Variants in ASAP1 observed in about 807,000 individuals in gnomAD.
ASAP1 encodes the protein ArfGAP with SH3 domain, ankyrin repeat and PH domain 1, also known as arf-GAP with SH3 domain, ANK repeat and PH domain-containing protein 1.
Under a neutral mutation model 145.2 loss-of-function variants are expected in ASAP1, and 43 were observed. The observed-to-expected ratio is 0.30, with a 90% confidence interval of 0.23 to 0.38. The LOEUF is 0.38. Among genes scored for constraint, ASAP1 ranks in the 10% least tolerant of loss-of-function variants. ASAP1 has a pLI of 1.00. For synonymous variants in ASAP1, 546 were observed against 515.5 expected, an observed-to-expected ratio of 1.06 and a Z score of -0.80; for missense variants, 1,018 against 1,355.3, an observed-to-expected ratio of 0.75 and a Z score of 3.91.
Position 130,169,524 on chromosome 8 carries a change from C to A in ASAP1, c.747-457G>T, listed in dbSNP as rs566300582. On this transcript the variant is annotated intron_variant, in intron 9 of 29. Transcript: ENST00000518721. ...CTACAGATAAAGGCAGGAGAAAAGTCAAAATTCATTCAGTTCCTCAAAGAT... is the reference window on the plus strand; with the variant it reads ...CTACAGATAAAGGCAGGAGAAAAGTAAAAATTCATTCAGTTCCTCAAAGAT... Among the ~76,000 whole-genome samples, 4 of 152,270 alleles carry A rather than the reference C, an allele frequency of 2.6e-5. No individual in the cohort carries two copies. In the South Asian group the frequency reaches 6.2e-4, roughly 24 times the overall value.
At chr8:130,126,238 T>G in intron 16 of ASAP1, 149 bp from the exon 17 acceptor site, 1 of 756,526 alleles carries the variant, frequency 1.3e-6, no homozygotes, top group South Asian at 2.3e-5. Flanking sequence ...AGGTTTAGCC[T>G]AGGGGCTACC....
At chr8:130,082,004 C>T (rs1315857058) in intron 25 of ASAP1, among the ~76,000 whole-genome samples, 6 of 152,136 alleles carry the variant, frequency 3.9e-5, no homozygotes, top group African/African-American at 1.2e-4. Flanking sequence ...TGGTAAGGGT[C>T]AAAGCTGGGA....
rs148112029 is a variant in ASAP1, at chr8:130,251,568, T to C, written c.187-14574A>G. On this transcript the variant is annotated intron_variant, in intron 3 of 29. Coordinates refer to ENST00000518721, the MANE Select transcript of ASAP1 (RefSeq NM_018482.4). ...ATACTATCAGCAAAAAGATAAATAATTGTAATCAATTTTTATAGAACAAAC... is the reference window on the plus strand; with the variant it reads ...ATACTATCAGCAAAAAGATAAATAACTGTAATCAATTTTTATAGAACAAAC... 6.7e-3 allele frequency among the ~76,000 whole-genome samples: 1,018 copies of C among 152,176 alleles called. 13 individuals are homozygous for C. The highest frequency in any genetic ancestry group is 0.022 in the African/African-American group (927 of 41,522).
chr8:130,178,806 C>T (rs1814144965), intron 9 of ASAP1, among the ~76,000 whole-genome samples: 1 of 151,956 alleles, frequency 6.6e-6, no homozygotes, highest in Admixed American at 6.6e-5. Context: ...GAAGAATTGC[C>T]TGAACCCAGG....
intron 3 of ASAP1, among the ~76,000 whole-genome samples, chr8:130,314,910 A>G (rs1449255356): frequency 6.6e-6 from 1 of 152,144 alleles, no homozygotes; most frequent in Non-Finnish European, 1.5e-5. Flanking sequence ...TCTGAACTTT[A>G]AGAGAGAGAG....
At chr8:130,330,655 T>C (rs1163977171) in intron 3 of ASAP1, among the ~76,000 whole-genome samples, 1 of 152,248 alleles carries the variant, frequency 6.6e-6, no homozygotes, top group Non-Finnish European at 1.5e-5. Context: ...CAAAGGCAAT[T>C]TGTCTTACGG....
intron 3 of ASAP1, among the ~76,000 whole-genome samples, chr8:130,356,940 C>A (rs1158726096): frequency 6.6e-6 from 1 of 152,204 alleles, no homozygotes; most frequent in Non-Finnish European, 1.5e-5. Context: ...CACAGCATAA[C>A]CCACCCAGGG....
At chr8:130,199,249 T>C (rs747222492) in intron 5 of ASAP1, among the ~76,000 whole-genome samples, 2 of 152,228 alleles carry the variant, frequency 1.3e-5, no homozygotes, top group East Asian at 1.9e-4. Flanking sequence ...TTGAGCTACA[T>C]CAAACTCCTA....
chr8:130,125,700 AGAC>A (rs1352303944), intron 17 of ASAP1, among the ~76,000 whole-genome samples: 1 of 152,024 alleles, frequency 6.6e-6, no homozygotes, highest in African/African-American at 2.4e-5. Context: ...GTTTTGAAGA[AGAC>A]CATCCCAAAA....
At position 130,116,734 on chromosome 8, in the gene ASAP1, C is replaced by T. The variant is rs369180178; in HGVS notation, c.2008G>A (p.Gly670Arg). 6.2e-7 allele frequency: 1 copy of T among 1,613,962 alleles called. No individual in the cohort carries two copies. Among genetic ancestry groups the T allele is most frequent in the Non-Finnish European group, 8.5e-7 (1 of 1,179,988 alleles). ...TTTGCTATGTCTAGGGCAGTTTCTC[C>T]AGCCTGGTTAACTGAAATAGGAAAA... Reference protein sequence around the residue: ...KPTVDIVNQAGETALDIAKRL... With the variant: ...KPTVDIVNQARETALDIAKRL... The change falls in exon 22 of 30, where the codon GGA becomes AGA. Residue 670 changes from glycine to arginine, a missense_variant. Physicochemically the swap from Gly to Arg is moderately radical, Grantham distance 125. Around this residue, in one of 9 missense-constraint regions of ASAP1, gnomAD observed 353 missense variants for 375.4 expected, o/e 0.94. Transcript: ENST00000518721.
intron 27 of ASAP1, among the ~76,000 whole-genome samples, chr8:130,063,556 T>A (rs1415433111): frequency 6.6e-6 from 1 of 152,078 alleles, no homozygotes; most frequent in Non-Finnish European, 1.5e-5. Flanking sequence ...AGGAGAGAGA[T>A]GGGACTACAG....
Position 130,054,536 on chromosome 8 carries a change from C to T in ASAP1, c.*195G>A. The T allele has an allele frequency of 2.0e-6, 1 of 508,798 alleles. No individual in the cohort carries two copies. Among genetic ancestry groups the T allele is most frequent in the South Asian group, 2.2e-5 (1 of 45,826 alleles). 31.5% of individuals were successfully genotyped at this position (508,798 alleles called of 1,614,324 possible). ...GGCAAACCAGTAAGGCGCGCCGGGT[C>T]CGAGGCTACCCTCATACTGGTGAAG... is the stretch of plus-strand genomic sequence containing the variant. On this transcript the variant is annotated 3_prime_UTR_variant, in exon 30 of 30. Coordinates refer to ENST00000518721, the MANE Select transcript of ASAP1 (RefSeq NM_018482.4).
At chr8:130,146,982 T>C (rs1376079322) in intron 13 of ASAP1, among the ~76,000 whole-genome samples, 1 of 151,996 alleles carries the variant, frequency 6.6e-6, no homozygotes, top group African/African-American at 2.4e-5. Context: ...TCCCAGAACT[T>C]TGGGAAGCCG....
chr8:130,217,537 TAC>T (rs71302402), intron 4 of ASAP1, among the ~76,000 whole-genome samples: 49 of 148,820 alleles, frequency 3.3e-4, no homozygotes, highest in South Asian at 4.3e-4. Context: ...TGTATATATG[TAC>T]ACACACACAC....
chr8:130,414,235 T>C (rs184399788), intron 1 of ASAP1, among the ~76,000 whole-genome samples: 5 of 152,212 alleles, frequency 3.3e-5, no homozygotes, highest in Non-Finnish European at 5.9e-5. Context: ...TGCTGACCCA[T>C]CTGCCATGTC....
chr8:130,203,010 C>T (rs1005959530), intron 5 of ASAP1, among the ~76,000 whole-genome samples: 2 of 151,742 alleles, frequency 1.3e-5, no homozygotes, highest in African/African-American at 4.8e-5. Flanking sequence ...AAGTGGCAAC[C>T]AGCTTAAAAA....
Position 130,128,000 on chromosome 8 carries a change from G to A in ASAP1, c.1308C>T (p.Asp436=), listed in dbSNP as rs1178823671. The change falls in exon 16 of 30, where the codon GAC becomes GAT. Residue 436 remains aspartate (D), a synonymous_variant. Transcript: ENST00000518721. ...EQSAGENSLE[D]LTKAIIEDVQ... ...CATCCTCAATAATGGCTTTTGTCAG[G>A]TCTTCCAGGCTGTTCTCTCCCGCAC... is the stretch of plus-strand genomic sequence containing the variant. The A allele has an allele frequency of 1.9e-6, 3 of 1,614,076 alleles. No individual in the cohort carries two copies. Among genetic ancestry groups the A allele is most frequent in the East Asian group, 2.2e-5 (1 of 44,878 alleles).
chr8:130,100,242 G>T, intron 24 of ASAP1, among the ~76,000 whole-genome samples: 1 of 152,064 alleles, frequency 6.6e-6, no homozygotes, highest in East Asian at 1.9e-4. Flanking sequence ...TTGTGGTTTT[G>T]ATTTACATTT....
intron 11 of ASAP1, among the ~76,000 whole-genome samples, chr8:130,161,730 G>C (rs187640193): frequency 6.6e-6 from 1 of 152,200 alleles, no homozygotes. Flanking sequence ...ATTTGGGAGA[G>C]ATGAGGCATG....
Sources: allele counts gnomAD v4.1 joint callset (sites outside exome capture counted in the v4.1 genomes callset), GRCh38; gene constraint gnomAD v4.1.1; regional missense constraint gnomAD v4.1.1; transcripts MANE v1.5; gene names NCBI Gene and HGNC (gene_info 2026-07-23, HGNC 2026-07-21).